The following SGCZ variants were observed in gnomAD, a reference collection of about 807,000 sequenced individuals.
SGCZ encodes zeta-sarcoglycan.
Under a neutral mutation model 41.3 loss-of-function variants are expected in SGCZ, and 40 were observed. The observed-to-expected ratio is 0.97, with a 90% CI of 0.75 to 1.26. The LOEUF (loss-of-function observed/expected upper bound fraction) is 1.26, where lower values mean the gene tolerates loss of function less well. Ranked by LOEUF, SGCZ falls within the 50% of genes most tolerant of loss-of-function variation. The pLI is 0.00. For synonymous variants in SGCZ, 206 were observed against 137.5 expected (o/e 1.50, Z -3.49); for missense variants, 552 against 369.8 (o/e 1.49, Z -4.04).
At chr8:14,115,810 G>T (rs1262965683) in intron 5 of SGCZ, among the ~76,000 whole-genome samples, 1 of 151,430 alleles carries the variant, frequency 6.6e-6, no homozygotes, top group Non-Finnish European at 1.5e-5. Flanking sequence ...GGTGGGGGTG[G>T]AAATTAGTAA....
chr8:15,145,371 G>A (rs1799009800), intron 1 of SGCZ, among the ~76,000 whole-genome samples: 1 of 152,182 alleles, frequency 6.6e-6, no homozygotes, highest in Non-Finnish European at 1.5e-5. Flanking sequence ...TTCCATTTTG[G>A]TAGAGTGAGG....
chr8:14,451,987 C>T (rs542046720), intron 2 of SGCZ, among the ~76,000 whole-genome samples: 7 of 152,276 alleles, frequency 4.6e-5, no homozygotes, highest in Admixed American at 2.0e-4. Flanking sequence ...GTTATTTATA[C>T]AAATGTATTG....
chr8:14,236,103 C>A (rs1287532306), intron 4 of SGCZ, among the ~76,000 whole-genome samples: 3 of 152,200 alleles, frequency 2.0e-5, no homozygotes. Flanking sequence ...CATGGAAAAT[C>A]TACTAAGGTT....
At chr8:14,692,990 C>T (rs1346602564) in intron 1 of SGCZ, among the ~76,000 whole-genome samples, 1 of 152,150 alleles carries the variant, frequency 6.6e-6, no homozygotes, top group African/African-American at 2.4e-5. Flanking sequence ...TCAGAGCTCT[C>T]TGTATAACTT....
chr8:14,769,204 G>T (rs556668213), intron 1 of SGCZ, among the ~76,000 whole-genome samples: 9 of 152,224 alleles, frequency 5.9e-5, no homozygotes, highest in East Asian at 1.9e-4. Flanking sequence ...TGATGGTAAT[G>T]ATAATGACAA....
intron 1 of SGCZ, among the ~76,000 whole-genome samples, chr8:14,971,641 T>C (rs1481762213): frequency 1.4e-5 from 2 of 141,342 alleles, no homozygotes; most frequent in African/African-American, 2.7e-5. Context: ...ACTCATTTTA[T>C]ATACTTTTTT....
intron 1 of SGCZ, among the ~76,000 whole-genome samples, chr8:14,746,262 TA>T (rs553299224): frequency 6.6e-6 from 1 of 152,256 alleles, no homozygotes; most frequent in South Asian, 2.1e-4. Flanking sequence ...ATTTGTTCTT[TA>T]AAAATTTTAT....
chr8:14,557,686 T>C (rs1804075170), intron 1 of SGCZ, among the ~76,000 whole-genome samples: 1 of 152,060 alleles, frequency 6.6e-6, no homozygotes, highest in Non-Finnish European at 1.5e-5. Context: ...TAGGGTGTCC[T>C]TTCCCTACTT....
At chr8:14,966,492 A>C (rs1353878811) in intron 1 of SGCZ, among the ~76,000 whole-genome samples, 1 of 152,006 alleles carries the variant, frequency 6.6e-6, no homozygotes, top group Non-Finnish European at 1.5e-5. Flanking sequence ...TGTGTATTCA[A>C]ATTTTTACAA....
chr8:14,740,906 T>G (rs1261306344), intron 1 of SGCZ, among the ~76,000 whole-genome samples: 1 of 152,000 alleles, frequency 6.6e-6, no homozygotes, highest in Admixed American at 6.6e-5. Flanking sequence ...CCAGCACCCT[T>G]AAGATGACAT....
At chr8:14,718,014 A>G (rs930621046) in intron 1 of SGCZ, among the ~76,000 whole-genome samples, 3 of 100,648 alleles carry the variant, frequency 3.0e-5, no homozygotes, top group African/African-American at 1.8e-4. Context: ...TATATATGTA[A>G]TATGGCTCTT....
intron 1 of SGCZ, among the ~76,000 whole-genome samples, chr8:14,825,658 G>A (rs937037749): frequency 1.3e-5 from 2 of 152,082 alleles, no homozygotes; most frequent in Non-Finnish European, 2.9e-5. Flanking sequence ...AACGGAACTT[G>A]CTTATCTTAC....
intron 2 of SGCZ, among the ~76,000 whole-genome samples, chr8:14,422,326 G>C (rs1799657669): frequency 6.6e-6 from 1 of 152,162 alleles, no homozygotes; most frequent in Non-Finnish European, 1.5e-5. Flanking sequence ...GATATTTTAA[G>C]TTGACTATAC....
At chr8:15,065,848 G>A (rs1277194805) in intron 1 of SGCZ, among the ~76,000 whole-genome samples, 2 of 152,046 alleles carry the variant, frequency 1.3e-5, no homozygotes, top group Non-Finnish European at 1.5e-5. Flanking sequence ...ACGTGGTAGG[G>A]CCTTAATATG....
chr8:14,394,957 G>T lies in SGCZ; in HGVS notation c.235-70753C>A, dbSNP rs192009673. On this transcript the variant is annotated intron_variant, in intron 2 of 7. Coordinates refer to ENST00000382080, the MANE Select transcript of SGCZ (RefSeq NM_139167.4). Reference sequence around the variant, plus strand: ...GTATCTAGATTTCCATTACTTACTAGATGGTGACATGGACACGTTCCTTAA... The same window carrying T: ...GTATCTAGATTTCCATTACTTACTATATGGTGACATGGACACGTTCCTTAA... Among the ~76,000 whole-genome samples the T allele has an allele frequency of 1.5e-3, 225 of 152,232 alleles. 1 individual carries two copies. Among genetic ancestry groups the T allele is most frequent in the Non-Finnish European group, 7.4e-4 (50 of 68,024 alleles).
intron 1 of SGCZ, among the ~76,000 whole-genome samples, chr8:15,030,082 A>G (rs1211070369): frequency 6.6e-6 from 1 of 152,188 alleles, no homozygotes; most frequent in Admixed American, 6.5e-5. Context: ...GAGGAGATGG[A>G]CATGAAAAAT....
intron 1 of SGCZ, among the ~76,000 whole-genome samples, chr8:15,054,347 A>T (rs2130998619): frequency 6.6e-6 from 1 of 152,310 alleles, no homozygotes; most frequent in South Asian, 2.1e-4. Flanking sequence ...AATTCCACCT[A>T]AATATCGCTC....
At chr8:14,640,276 G>A (rs78529755) in intron 1 of SGCZ, among the ~76,000 whole-genome samples, 5 of 151,442 alleles carry the variant, frequency 3.3e-5, no homozygotes, top group Non-Finnish European at 4.4e-5. Flanking sequence ...TGTTGCTATC[G>A]TATCTTTGCC....
At chr8:14,486,583 C>T (rs1401506616) in intron 2 of SGCZ, among the ~76,000 whole-genome samples, 3 of 152,172 alleles carry the variant, frequency 2.0e-5, no homozygotes, top group Admixed American at 6.5e-5. Context: ...TGTGTGTGCG[C>T]GCGCGTGCGC....
Sources: allele counts gnomAD v4.1 joint callset (sites outside exome capture counted in the v4.1 genomes callset), GRCh38; gene constraint gnomAD v4.1.1; transcripts MANE v1.5; gene names NCBI Gene and HGNC (gene_info 2026-07-23, HGNC 2026-07-21).